The following BNC2 variants were observed in gnomAD, a reference collection of about 807,000 sequenced individuals.
The protein encoded by BNC2 is zinc finger protein basonuclin-2.
A neutral mutation model predicts 76.3 loss-of-function variants in BNC2; 20 were observed. The ratio of observed to expected loss-of-function variants is 0.26; its 90% CI spans 0.18 to 0.38. BNC2 has a LOEUF of 0.38. BNC2 is among the 10% of genes least tolerant of loss of function. The pLI, the probability that BNC2 is intolerant of heterozygous loss-of-function variation, is 1.00. For missense variants in BNC2, 1,382 were observed against 1,399.8 expected (o/e 0.99, Z 0.20); for synonymous variants, 582 against 514.8 (o/e 1.13, Z -1.77).
chr9:16,489,849 G>A (rs1255870836), intron 5 of BNC2, among the ~76,000 whole-genome samples: 6 of 152,182 alleles, frequency 3.9e-5, no homozygotes, highest in Non-Finnish European at 7.3e-5. Context: ...TGAGGAGGCA[G>A]CAGAACTTAC....
Position 16,754,499 on chromosome 9 carries a change from TC to T in BNC2, c.4-16015del, listed in dbSNP as rs561469480. Among the ~76,000 whole-genome samples, 611 of 152,240 alleles carry T rather than the reference TC, an allele frequency of 4.0e-3. 2 individuals are homozygous for T. The highest frequency in any genetic ancestry group is 0.013 in the African/African-American group (538 of 41,538). On this transcript the variant is annotated intron_variant, in intron 1 of 6. Transcript: ENST00000380672. ...TTGTAAATACAAATGGGAGGGTCTT[TC>T]CCCCACCCCATATTTCATTTTCCAA...
intron 5 of BNC2, among the ~76,000 whole-genome samples, chr9:16,487,564 T>G (rs533482693): frequency 6.6e-6 from 1 of 152,290 alleles, no homozygotes; most frequent in African/African-American, 2.4e-5. Context: ...TATTAATAGT[T>G]GAATATTATT....
intron 1 of BNC2, among the ~76,000 whole-genome samples, chr9:16,785,526 C>T (rs1054453573): frequency 6.7e-5 from 10 of 148,698 alleles, no homozygotes; most frequent in African/African-American, 2.5e-4. Flanking sequence ...TCCTGAGTTG[C>T]TGGGACTACA....
rs199524578 is a variant in BNC2 at position 16,633,240 on chromosome 9, ACGATGGCC to A, written c.331-50163_331-50156del. Among the ~76,000 whole-genome samples the A allele has an allele frequency of 1.1e-3, 175 of 152,336 alleles. 2 individuals are homozygous for A. The East Asian group carries it at 0.031, about 27-fold the overall frequency. On this transcript the variant is annotated intron_variant, in intron 3 of 6. Transcript: ENST00000380672. ...GAAAAAACTCTCTATTTACTGAAAT[ACGATGGCC>A]CTGTACCAAAGAACAAAATGGGGAG...
chr9:16,667,063 C>G (rs1401248129), intron 3 of BNC2, among the ~76,000 whole-genome samples: 1 of 151,104 alleles, frequency 6.6e-6, no homozygotes, highest in Non-Finnish European at 1.5e-5. Context: ...GAAAAGCACA[C>G]ATCACTCAGA....
intron 1 of BNC2, among the ~76,000 whole-genome samples, chr9:16,767,367 A>G (rs181444242): frequency 6.6e-6 from 1 of 152,362 alleles, no homozygotes; most frequent in Non-Finnish European, 1.5e-5. Context: ...TCAGAGAGAC[A>G]CAAGGAAACA....
intron 5 of BNC2, among the ~76,000 whole-genome samples, chr9:16,440,809 G>A (rs1821111267): frequency 6.6e-6 from 1 of 152,174 alleles, no homozygotes; most frequent in Non-Finnish European, 1.5e-5. Flanking sequence ...TAAACCACTT[G>A]CTTCTGGTGA....
chr9:16,792,593 A>G (rs1257110428), intron 1 of BNC2, among the ~76,000 whole-genome samples: 3 of 152,248 alleles, frequency 2.0e-5, no homozygotes, highest in Non-Finnish European at 4.4e-5. Context: ...AGGGGCCAAA[A>G]GAATAGTTCA....
intron 1 of BNC2, among the ~76,000 whole-genome samples, chr9:16,841,096 A>C (rs116391256): frequency 0.018 from 2,690 of 152,296 alleles, 76 homozygotes; most frequent in African/African-American, 0.062. Flanking sequence ...AGGCAGATAA[A>C]AAGGTCACAA....
intron 3 of BNC2, among the ~76,000 whole-genome samples, chr9:16,724,394 C>T (rs1824252639): frequency 6.6e-6 from 1 of 151,866 alleles, no homozygotes; most frequent in Admixed American, 6.6e-5. Context: ...CCTTGTGAAA[C>T]TAAAATAGGC....
chr9:16,639,869 C>A (rs1801361205), intron 3 of BNC2, among the ~76,000 whole-genome samples: 1 of 152,010 alleles, frequency 6.6e-6, no homozygotes, highest in African/African-American at 2.4e-5. Context: ...CTTCAGTGAG[C>A]TATGATCGCA....
intron 3 of BNC2, among the ~76,000 whole-genome samples, chr9:16,709,299 A>G (rs1176787171): frequency 6.6e-6 from 1 of 152,234 alleles, no homozygotes; most frequent in African/African-American, 2.4e-5. Context: ...GTCAAAAGTG[A>G]CACAGAAGAG....
intron 3 of BNC2, among the ~76,000 whole-genome samples, chr9:16,677,068 A>G (rs572343987): frequency 6.6e-6 from 1 of 152,316 alleles, no homozygotes; most frequent in Non-Finnish European, 1.5e-5. Flanking sequence ...AAGATATGTG[A>G]AAATTTCAGA....
chr9:16,779,477 G>A (rs540636379), intron 1 of BNC2, among the ~76,000 whole-genome samples: 33 of 152,042 alleles, frequency 2.2e-4, no homozygotes, highest in African/African-American at 7.7e-4. Context: ...ATACCTTAAC[G>A]ACTAACAAGC....
At chr9:16,791,804 T>A (rs918468117) in intron 1 of BNC2, among the ~76,000 whole-genome samples, 6 of 152,058 alleles carry the variant, frequency 3.9e-5, no homozygotes, top group Admixed American at 2.0e-4. Context: ...AAAAGTACTT[T>A]TAAAAATTCA....
At chr9:16,511,980 T>C (rs1350963020) in intron 5 of BNC2, among the ~76,000 whole-genome samples, 2 of 152,336 alleles carry the variant, frequency 1.3e-5, no homozygotes, top group Non-Finnish European at 2.9e-5. Flanking sequence ...ATAATACTAA[T>C]GCAAATATAT....
chr9:16,752,872 G>A (rs2135297544), intron 1 of BNC2, among the ~76,000 whole-genome samples: 1 of 152,256 alleles, frequency 6.6e-6, no homozygotes, highest in Non-Finnish European at 1.5e-5. Flanking sequence ...GAGAAAATCT[G>A]ACACTTAGGG....
chr9:16,792,222 G>A (rs970742970), intron 1 of BNC2, among the ~76,000 whole-genome samples: 10 of 134,566 alleles, frequency 7.4e-5, no homozygotes, highest in East Asian at 4.5e-4. Context: ...GACAACCTAC[G>A]TGATCAGTTG....
chr9:16,691,344 C>G (rs971543124), intron 3 of BNC2, among the ~76,000 whole-genome samples: 1 of 152,100 alleles, frequency 6.6e-6, no homozygotes, highest in Non-Finnish European at 1.5e-5. Flanking sequence ...GAAATTAAGA[C>G]AAAGTTCTCT....
Sources: allele counts gnomAD v4.1 joint callset (sites outside exome capture counted in the v4.1 genomes callset), GRCh38; gene constraint gnomAD v4.1.1; transcripts MANE v1.5; gene names NCBI Gene and HGNC (gene_info 2026-07-23, HGNC 2026-07-21).